The following SMAGP variants were observed in gnomAD, a reference collection of about 807,000 sequenced individuals.
SMAGP encodes small cell adhesion glycoprotein, also known as small cell transmembrane and glycosylated protein.
SMAGP carries 7 observed loss-of-function variants against 10.1 expected under a neutral mutation model. That is an observed-to-expected ratio of 0.70 (90% CI 0.40 to 1.31). The LOEUF is 1.31. SMAGP is among the 50% of genes most tolerant of loss of function. SMAGP has a pLI of 0.01. For synonymous variants in SMAGP, 49 were observed against 47.2 expected (o/e 1.04, Z -0.16); for missense variants, 113 against 116.5 (o/e 0.97, Z 0.14).
At chr12:51,266,333 G>A (rs1244728644) in intron 2 of SMAGP, among the ~76,000 whole-genome samples, 1 of 152,098 alleles carries the variant, frequency 6.6e-6, no homozygotes, top group Non-Finnish European at 1.5e-5. Flanking sequence ...GCTTAGTAGA[G>A]TACCACAGCG....
At chr12:51,267,048 G>A (rs914326562) in intron 2 of SMAGP, among the ~76,000 whole-genome samples, 17 of 152,180 alleles carry the variant, frequency 1.1e-4, no homozygotes, top group South Asian at 2.1e-4. Context: ...CCCAGGGGGC[G>A]GAGGTTGCAG....
chr12:51,263,242 G>T (rs1474022680), intron 2 of SMAGP, among the ~76,000 whole-genome samples: 2 of 152,000 alleles, frequency 1.3e-5, no homozygotes, highest in Non-Finnish European at 2.9e-5. Flanking sequence ...AATTAGCTGG[G>T]CATAGTGGTG....
chr12:51,263,965 C>T (rs1298279398), intron 2 of SMAGP, among the ~76,000 whole-genome samples: 8 of 151,844 alleles, frequency 5.3e-5, no homozygotes, highest in African/African-American at 1.9e-4. Context: ...TATATTCTTC[C>T]TTACACTGAT....
intron 2 of SMAGP, among the ~76,000 whole-genome samples, chr12:51,248,434 A>ACTCT (rs56012746): frequency 2.8e-4 from 22 of 77,562 alleles, no homozygotes; most frequent in Admixed American, 5.8e-4. Flanking sequence ...ACACACACAC[A>ACTCT]CTCTCTCTCT....
At chr12:51,262,775 G>C (rs1451404811) in intron 2 of SMAGP, among the ~76,000 whole-genome samples, 4 of 152,066 alleles carry the variant, frequency 2.6e-5, no homozygotes, top group Admixed American at 2.0e-4. Flanking sequence ...GCTTCTTTGT[G>C]GTCCTTGTTC....
At chr12:51,256,836 G>C (rs1246760990) in intron 2 of SMAGP, among the ~76,000 whole-genome samples, 1 of 151,292 alleles carries the variant, frequency 6.6e-6, no homozygotes, top group Admixed American at 6.6e-5. Context: ...AAAGTCATTA[G>C]ATATTTAAGA....
chr12:51,246,334 C>A, intron 3 of SMAGP: 1 of 592,432 alleles, frequency 1.7e-6, no homozygotes, highest in Non-Finnish European at 2.7e-6. Flanking sequence ...AGGACACATG[C>A]TTTTGATTTC....
At chr12:51,246,408 A>G (rs1421604604) in intron 3 of SMAGP, 3 of 472,004 alleles carry the variant, frequency 6.4e-6, no homozygotes, top group Middle Eastern at 1.1e-3. Flanking sequence ...AGGAGGGAAC[A>G]GGAAATGGCT....
intron 3 of SMAGP, 165 bp from the exon 4 acceptor site, chr12:51,246,284 C>T: frequency 1.0e-6 from 1 of 983,350 alleles, no homozygotes; most frequent in Non-Finnish European, 1.5e-6. Context: ...CCCCAATTTC[C>T]ATGGCACATA....
chr12:51,269,267 G>A lies in SMAGP; in HGVS notation c.12C>T (p.Leu4=), dbSNP rs368790592. 1.6e-5 allele frequency: 26 copies of A among 1,613,856 alleles called. No individual in the cohort carries two copies. The highest frequency in any genetic ancestry group is 2.2e-5 in the East Asian group (1 of 44,898). Residue 4 remains leucine, a synonymous_variant, in exon 2 of 4, where the codon CTC becomes CTT. Coordinates refer to ENST00000603798, the MANE Select transcript of SMAGP (RefSeq NM_001031628.2). ...TACCTCTTGGAGAAGGAGTAGTCAG[G>A]AGGCTGGTCATTGTCACTAGTGGTT... MTS[L]LTTPSPREEL...
intron 2 of SMAGP, among the ~76,000 whole-genome samples, chr12:51,248,900 CAAAAAA>C (rs545881552): frequency 6.3e-4 from 60 of 95,618 alleles, no homozygotes; most frequent in African/African-American, 2.5e-3. Flanking sequence ...AAAAATACCA[CAAAAAA>C]AAAAAAAAAA....
At chr12:51,257,054 G>A (rs573744906) in intron 2 of SMAGP, among the ~76,000 whole-genome samples, 1 of 152,172 alleles carries the variant, frequency 6.6e-6, no homozygotes, top group East Asian at 1.9e-4. Flanking sequence ...AGGAACTGAA[G>A]GCAGAATATA....
rs1555166944 is a variant in SMAGP, at chr12:51,252,684, C to CCCCCCCCCG, written c.35-5854_35-5853insCGGGGGGGG. On this transcript the variant is annotated intron_variant, in intron 2 of 3. Coordinates refer to ENST00000603798, the MANE Select transcript of SMAGP (RefSeq NM_001031628.2). ...GGGATTACAGGCGTGAGCCACATCG[C>CCCCCCCCCG]CCCCCGAAGGACAATTTAAAAAGCA... Among the ~76,000 whole-genome samples the CCCCCCCCCG allele has an allele frequency of 2.0e-5, 3 of 151,222 alleles. No homozygotes were observed. In the East Asian group the frequency reaches 6.4e-4, roughly 32 times the overall value.
In SMAGP at chr12:51,244,897, T is replaced by G. The variant is rs1024306147; in HGVS notation, c.*1044A>C. ...TGGAGTATAGTGGTGCAATCTCAGC[T>G]CACTGCAAGCTCCGCCTCCTGGGTT... On this transcript the variant is annotated 3_prime_UTR_variant, in exon 4 of 4. Coordinates refer to ENST00000603798, the MANE Select transcript of SMAGP (RefSeq NM_001031628.2). 2 of 142,272 alleles carry G rather than the reference T, an allele frequency of 1.4e-5. No individual in the cohort carries two copies. Among genetic ancestry groups the G allele is most frequent in the African/African-American group, 5.2e-5 (2 of 38,392 alleles). 8.8% of individuals were successfully genotyped at this position (142,272 alleles called of 1,614,324 possible).
intron 3 of SMAGP, 36 bp from the exon 4 acceptor site, chr12:51,246,155 G>C: frequency 1.2e-6 from 2 of 1,608,916 alleles, no homozygotes; most frequent in Non-Finnish European, 1.7e-6. Context: ...AGATGTTTCA[G>C]GATTGAGGAT....
intron 2 of SMAGP, among the ~76,000 whole-genome samples, chr12:51,260,210 T>C (rs912425444): frequency 4.7e-4 from 65 of 139,162 alleles, no homozygotes; most frequent in African/African-American, 1.5e-3. Flanking sequence ...TGGTTTCTTT[T>C]TTTTTTTTTT....
intron 2 of SMAGP, among the ~76,000 whole-genome samples, chr12:51,265,848 C>G (rs192596291): frequency 1.3e-5 from 2 of 152,056 alleles, no homozygotes; most frequent in Non-Finnish European, 2.9e-5. Flanking sequence ...TTTGGGAGGC[C>G]GAGGTGGGCG....
At chr12:51,258,088 G>T (rs1944901555) in intron 2 of SMAGP, among the ~76,000 whole-genome samples, 2 of 152,190 alleles carry the variant, frequency 1.3e-5, no homozygotes, top group African/African-American at 4.8e-5. Context: ...GATTCCTTGA[G>T]CCCAGGAGTT....
intron 2 of SMAGP, among the ~76,000 whole-genome samples, chr12:51,266,107 C>T (rs1944972049): frequency 6.6e-6 from 1 of 152,062 alleles, no homozygotes; most frequent in Non-Finnish European, 1.5e-5. Flanking sequence ...CAGTAGTCCC[C>T]TCTTATCTGC....
Sources: allele counts gnomAD v4.1 joint callset (sites outside exome capture counted in the v4.1 genomes callset), GRCh38; gene constraint gnomAD v4.1.1; transcripts MANE v1.5; gene names NCBI Gene and HGNC (gene_info 2026-07-23, HGNC 2026-07-21).